Variants in EXPH5 observed in about 807,000 individuals in gnomAD.
The protein encoded by EXPH5 is exophilin-5.
A neutral mutation model predicts 41.1 loss-of-function variants in EXPH5; 42 were observed. That is an observed-to-expected ratio of 1.02 (90% CI 0.80 to 1.32). The LOEUF (loss-of-function observed/expected upper bound fraction) is 1.32, where lower values mean the gene tolerates loss of function less well. Ranked by LOEUF, EXPH5 falls within the 40% of genes most tolerant of loss-of-function variation. EXPH5 has a pLI of 0.00. For synonymous variants in EXPH5, 798 were observed against 833.5 expected (o/e 0.96, Z 0.73); for missense variants, 2,298 against 2,314.5 (o/e 0.99, Z 0.15).
rs971652642 is a variant in EXPH5, at chr11:108,510,343, C to A, written c.5164G>T (p.Ala1722Ser). The change falls in exon 6 of 6, where the codon GCT becomes TCT. Residue 1722 changes from alanine to serine, a missense_variant. Coordinates refer to ENST00000265843, the MANE Select transcript of EXPH5 (RefSeq NM_015065.3). ...CCTGATTCTCTTACTAAATTCTGAG[C>A]TGCTGTGACGTCTTTAGAATTCTCA... is the stretch of plus-strand genomic sequence containing the variant. ...KHENSKDVTA[A>S]QNLVRESGAP... 1 of 1,614,194 alleles carries A rather than the reference C, an allele frequency of 6.2e-7. No individual in the cohort carries two copies. Among genetic ancestry groups the A allele is most frequent in the Non-Finnish European group, 8.5e-7 (1 of 1,180,034 alleles).
the EXPH5 span, among the ~76,000 whole-genome samples, chr11:108,605,513 G>A: frequency 1.3e-5 from 2 of 152,280 alleles, no homozygotes; most frequent in South Asian, 4.1e-4. Context: ...AGCATCTACA[G>A]GGTAGAGGGC....
At chr11:108,562,128 G>T (rs998024137) in intron 1 of EXPH5, among the ~76,000 whole-genome samples, 6 of 152,148 alleles carry the variant, frequency 3.9e-5, no homozygotes, top group Non-Finnish European at 8.8e-5. Flanking sequence ...TCACCTGAAA[G>T]AACATAATGA....
chr11:108,556,899 G>T (rs1439032931), intron 1 of EXPH5, among the ~76,000 whole-genome samples: 1 of 152,136 alleles, frequency 6.6e-6, no homozygotes, highest in Non-Finnish European at 1.5e-5. Context: ...GGTCTTCAAG[G>T]CTGCATAGTG....
chr11:108,585,214 C>G (rs939988908), intron 1 of EXPH5, among the ~76,000 whole-genome samples: 3 of 152,144 alleles, frequency 2.0e-5, no homozygotes, highest in Non-Finnish European at 4.4e-5. Context: ...CTCTACAAAC[C>G]TATTAGAATG....
intron 3 of EXPH5, among the ~76,000 whole-genome samples, chr11:108,535,580 C>T (rs118020161): frequency 0.02 from 3,035 of 151,988 alleles, 35 homozygotes; most frequent in Middle Eastern, 0.031. Flanking sequence ...GGAGAGAAGG[C>T]GGGTAACAGA....
intron 3 of EXPH5, among the ~76,000 whole-genome samples, chr11:108,529,819 G>A (rs2093825408): frequency 6.6e-6 from 1 of 151,542 alleles, no homozygotes; most frequent in Non-Finnish European, 1.5e-5. Context: ...ACTCCAGCCT[G>A]GGTGAAAAGA....
At chr11:108,560,635 G>C (rs1461764769) in intron 1 of EXPH5, among the ~76,000 whole-genome samples, 1 of 152,174 alleles carries the variant, frequency 6.6e-6, no homozygotes, top group African/African-American at 2.4e-5. Context: ...AGAAGACCTT[G>C]TTAAGTTTTG....
chr11:108,598,150 G>C (rs911641342), upstream of EXPH5, among the ~76,000 whole-genome samples: 2 of 152,174 alleles, frequency 1.3e-5, no homozygotes, highest in African/African-American at 4.8e-5. Context: ...ATGATGAGAT[G>C]TCATATGAGC....
intron 1 of EXPH5, among the ~76,000 whole-genome samples, chr11:108,568,386 C>T (rs571604567): frequency 4.6e-5 from 7 of 152,066 alleles, no homozygotes; most frequent in African/African-American, 1.7e-4. Context: ...TCGGTTCCCC[C>T]CTCTACTGTC....
At chr11:108,539,993 A>G in intron 2 of EXPH5, among the ~76,000 whole-genome samples, 1 of 152,190 alleles carries the variant, frequency 6.6e-6, no homozygotes. Flanking sequence ...ATGGGTATCA[A>G]AAATTCAAAG....
In EXPH5 at chr11:108,529,816, C is replaced by T. The variant is rs1053807436; in HGVS notation, c.444-1632G>A. On this transcript the variant is annotated intron_variant, in intron 3 of 5. Coordinates refer to ENST00000265843, the MANE Select transcript of EXPH5 (RefSeq NM_015065.3). ...CTGAGATCACACCATTGCACTCCAG[C>T]CTGGGTGAAAAGAGCAAAACTCTGT... 2.0e-5 allele frequency among the ~76,000 whole-genome samples: 3 copies of T among 151,210 alleles called. No individual in the cohort carries two copies. In the East Asian group the frequency reaches 5.8e-4, roughly 29 times the overall value.
At position 108,514,391 on chromosome 11, in the gene EXPH5, T is replaced by C; in HGVS notation, c.1116A>G (p.Ile372Met). 1 of 1,614,170 alleles carries C rather than the reference T, an allele frequency of 6.2e-7. No individual in the cohort carries two copies. Among genetic ancestry groups the C allele is most frequent in the Non-Finnish European group, 8.5e-7 (1 of 1,180,012 alleles). The change falls in exon 6 of 6, where the codon ATA (isoleucine) becomes ATG (methionine). Residue 372 changes from isoleucine (I) to methionine (M), a missense_variant. By Grantham distance (10) the Ile-to-Met change is conservative (BLOSUM62 1). Coordinates refer to ENST00000265843, the MANE Select transcript of EXPH5 (RefSeq NM_015065.3). The part of the protein sequence containing the change: ...SPKRTPLSSI[I>M]WNRSDSSRDR... The stretch of plus-strand genomic sequence containing the variant: ...CTCTAGAGGAATCTGATCTGTTCCA[T>C]ATGATGGATGATAAAGGAGTTCTCT...
At chr11:108,586,873 T>C (rs1231732462) in intron 1 of EXPH5, among the ~76,000 whole-genome samples, 2 of 151,880 alleles carry the variant, frequency 1.3e-5, no homozygotes, top group African/African-American at 4.8e-5. Flanking sequence ...GGCCTTTTAA[T>C]AGGGCCATTG....
chr11:108,560,323 G>C (rs1194783317), intron 1 of EXPH5, among the ~76,000 whole-genome samples: 5 of 152,190 alleles, frequency 3.3e-5, no homozygotes, highest in Non-Finnish European at 5.9e-5. Flanking sequence ...TTTTCAAAGA[G>C]TTAACTTTTG....
At chr11:108,515,306 A>C (rs1276544294) in intron 5 of EXPH5, among the ~76,000 whole-genome samples, 1 of 152,176 alleles carries the variant, frequency 6.6e-6, no homozygotes, top group Non-Finnish European at 1.5e-5. Flanking sequence ...CTTTCATGTC[A>C]CTAGGTTGCT....
intron 1 of EXPH5, among the ~76,000 whole-genome samples, chr11:108,551,601 C>T (rs186070233): frequency 1.3e-5 from 2 of 151,930 alleles, no homozygotes; most frequent in African/African-American, 2.4e-5. Context: ...CTGATCTTCG[C>T]GGACCTGACC....
the EXPH5 span, among the ~76,000 whole-genome samples, chr11:108,602,969 C>T: frequency 1.3e-5 from 2 of 152,130 alleles, no homozygotes; most frequent in Non-Finnish European, 2.9e-5. Flanking sequence ...ATCACGGGAG[C>T]GATTCCCTCC....
chr11:108,564,277 G>A (rs1241780672), intron 1 of EXPH5, among the ~76,000 whole-genome samples: 2 of 152,098 alleles, frequency 1.3e-5, no homozygotes, highest in Non-Finnish European at 2.9e-5. Flanking sequence ...GACAGAACAA[G>A]ACGGTCTAAA....
intron 1 of EXPH5, 129 bp downstream of exon 1, chr11:108,593,289 G>T: frequency 2.8e-6 from 2 of 727,100 alleles, no homozygotes; most frequent in Non-Finnish European, 2.3e-6. Context: ...TTCCCGACCC[G>T]CAGCCTCCGC....
Sources: allele counts gnomAD v4.1 joint callset (sites outside exome capture counted in the v4.1 genomes callset), GRCh38; gene constraint gnomAD v4.1.1; transcripts MANE v1.5; gene names NCBI Gene and HGNC (gene_info 2026-07-23, HGNC 2026-07-21).